The following DPF3 variants were observed in gnomAD, a reference collection of about 807,000 sequenced individuals.
DPF3 encodes double PHD fingers 3.
DPF3 carries 18 observed loss-of-function variants against 56.8 expected under a neutral mutation model. The observed-to-expected ratio is 0.32, with a 90% CI of 0.22 to 0.47. The LOEUF (loss-of-function observed/expected upper bound fraction) is 0.47, where lower values mean the gene tolerates loss of function less well. Ranked by LOEUF, DPF3 falls within the 20% of genes least tolerant of loss-of-function variation. DPF3 has a pLI of 1.00. For synonymous variants in DPF3, 188 were observed against 180.2 expected, an observed-to-expected ratio of 1.04 and a Z score of -0.35; for missense variants, 403 against 488.8, an observed-to-expected ratio of 0.82 and a Z score of 1.65.
chr14:72,749,195 C>A (rs570418505), intron 3 of DPF3, among the ~76,000 whole-genome samples: 2 of 152,342 alleles, frequency 1.3e-5, no homozygotes, highest in East Asian at 3.9e-4. Context: ...TGGGAACTCA[C>A]CTCTTGCATC....
intron 1 of DPF3, among the ~76,000 whole-genome samples, chr14:72,779,890 C>T (rs1036981663): frequency 1.3e-5 from 2 of 152,224 alleles, no homozygotes; most frequent in Admixed American, 6.5e-5. Flanking sequence ...GACAGAAGGC[C>T]TCTGGGTCAC....
intron 1 of DPF3, among the ~76,000 whole-genome samples, chr14:72,885,607 T>C (rs548833159): frequency 4.6e-5 from 7 of 151,966 alleles, no homozygotes; most frequent in African/African-American, 1.7e-4. Flanking sequence ...TCTCATGATA[T>C]GTCCAGGCTG....
chr14:72,780,727 T>C (rs1891935993), intron 1 of DPF3, among the ~76,000 whole-genome samples: 1 of 152,298 alleles, frequency 6.6e-6, no homozygotes, highest in Admixed American at 6.5e-5. Flanking sequence ...CATGTGCAAA[T>C]TCATGCTACC....
intron 8 of DPF3, among the ~76,000 whole-genome samples, chr14:72,660,226 A>T (rs1376727456): frequency 2.0e-5 from 3 of 152,188 alleles, no homozygotes; most frequent in Admixed American, 6.5e-5. Context: ...TCATCACAAT[A>T]AAAAGGAAAA....
At chr14:72,871,965 CA>C (rs1885918092) in intron 1 of DPF3, among the ~76,000 whole-genome samples, 1 of 152,258 alleles carries the variant, frequency 6.6e-6, no homozygotes, top group South Asian at 2.1e-4. Flanking sequence ...GCCCCTGCAG[CA>C]AACTTTTGCC....
At chr14:72,759,593 G>A (rs1890985388) in intron 2 of DPF3, among the ~76,000 whole-genome samples, 1 of 150,950 alleles carries the variant, frequency 6.6e-6, no homozygotes, top group South Asian at 2.1e-4. Flanking sequence ...AGGGAAGGAA[G>A]GAAGGAAGAA....
intron 1 of DPF3, among the ~76,000 whole-genome samples, chr14:72,874,695 T>C (rs970350073): frequency 2.0e-5 from 3 of 152,180 alleles, no homozygotes; most frequent in Non-Finnish European, 4.4e-5. Flanking sequence ...GATTTTATTA[T>C]CCATATCGCT....
chr14:72,681,723 GAT>G (rs1441159201), intron 7 of DPF3, among the ~76,000 whole-genome samples: 1 of 151,984 alleles, frequency 6.6e-6, no homozygotes, highest in East Asian at 1.9e-4. Context: ...TCCTGAGATG[GAT>G]ATATTTGGTG....
chr14:72,802,266 C>T (rs965985446), intron 1 of DPF3, among the ~76,000 whole-genome samples: 2 of 152,144 alleles, frequency 1.3e-5, no homozygotes, highest in Non-Finnish European at 2.9e-5. Flanking sequence ...AGAGTCATGG[C>T]GAACTGTACA....
intron 5 of DPF3, among the ~76,000 whole-genome samples, chr14:72,720,095 C>T (rs1889103546): frequency 6.6e-6 from 1 of 151,986 alleles, no homozygotes; most frequent in African/African-American, 2.4e-5. Context: ...ATCCAGAGAC[C>T]ACACACAGAG....
At chr14:72,704,650 C>T (rs573868528) in intron 6 of DPF3, among the ~76,000 whole-genome samples, 1 of 152,274 alleles carries the variant, frequency 6.6e-6, no homozygotes, top group East Asian at 1.9e-4. Context: ...CTGCCATTTC[C>T]ACCAACTCAT....
At chr14:72,644,631 A>G (rs1885661321) in intron 8 of DPF3, among the ~76,000 whole-genome samples, 1 of 152,224 alleles carries the variant, frequency 6.6e-6, no homozygotes. Context: ...ATTCAATACA[A>G]AAACACCCAT....
At chr14:72,810,795 C>A (rs1328332313) in intron 1 of DPF3, among the ~76,000 whole-genome samples, 2 of 152,152 alleles carry the variant, frequency 1.3e-5, no homozygotes, top group Non-Finnish European at 2.9e-5. Flanking sequence ...AGACCCCAGA[C>A]TGTCATTGCT....
chr14:72,869,806 G>A (rs899217919), intron 1 of DPF3, among the ~76,000 whole-genome samples: 1 of 152,164 alleles, frequency 6.6e-6, no homozygotes, highest in African/African-American at 2.4e-5. Flanking sequence ...GAAGGTCACA[G>A]ACAGAAACGA....
intron 5 of DPF3, among the ~76,000 whole-genome samples, chr14:72,715,819 C>A (rs1004005631): frequency 1.3e-5 from 2 of 151,638 alleles, no homozygotes; most frequent in Non-Finnish European, 2.9e-5. Flanking sequence ...CCACTTCCTC[C>A]CTCCCTCCCA....
intron 1 of DPF3, among the ~76,000 whole-genome samples, chr14:72,800,660 G>T (rs571510716): frequency 1.3e-5 from 2 of 152,226 alleles, no homozygotes; most frequent in Admixed American, 1.3e-4. Context: ...ATGGATGGAT[G>T]CATGGATGAA....
chr14:72,672,987 T>A (rs1886759248), intron 8 of DPF3, among the ~76,000 whole-genome samples: 1 of 152,096 alleles, frequency 6.6e-6, no homozygotes, highest in Non-Finnish European at 1.5e-5. Flanking sequence ...ATCCATAGAA[T>A]AAAAAATTCA....
chr14:72,746,885 C>T (rs534948192), intron 3 of DPF3, among the ~76,000 whole-genome samples: 12 of 152,378 alleles, frequency 7.9e-5, no homozygotes. Context: ...TAGGTTCTTC[C>T]TTTCCCTTCC....
rs1443565568 is a variant in DPF3 at position 72,615,123 on chromosome 14, C to G, written c.*4174G>C. On this transcript the variant is annotated 3_prime_UTR_variant, in exon 11 of 11. Coordinates refer to ENST00000556509, the MANE Select transcript of DPF3 (RefSeq NM_001280542.3). ...CTGAAGAGGGGCTAGGAGGGGCAGC[C>G]GGGGAGTGAGAGAAGAAGGGGCTGC... Among the ~76,000 whole-genome samples, 1 of 152,118 alleles carries G rather than the reference C, an allele frequency of 6.6e-6. No homozygotes were observed. Among genetic ancestry groups the G allele is most frequent in the Non-Finnish European group, 1.5e-5 (1 of 67,998 alleles).
Sources: gnomAD v4.1 joint callset for allele counts (sites outside exome capture counted in the v4.1 genomes callset) on GRCh38, gnomAD v4.1.1 for gene constraint, MANE v1.5 for transcripts, NCBI Gene and HGNC (gene_info 2026-07-23, HGNC 2026-07-21) for gene names.